Variants in CCDC178 observed in about 807,000 individuals in gnomAD.
CCDC178 encodes the protein coiled-coil domain containing 178, also known as coiled-coil domain-containing protein 178.
Under a neutral mutation model 117.4 loss-of-function variants are expected in CCDC178, and 126 were observed. The ratio of observed to expected loss-of-function variants is 1.07; its 90% confidence interval spans 0.93 to 1.24. CCDC178 has a LOEUF of 1.24. CCDC178 is among the 50% of genes most tolerant of loss of function. The probability of loss-of-function intolerance (pLI) is 0.00; values close to 1 mark genes in which losing one functional copy is unlikely to be tolerated. For missense variants in CCDC178, 1,030 were observed against 986.9 expected (o/e 1.04, Z -0.59); for synonymous variants, 283 against 313.4 (o/e 0.90, Z 1.02).
At chr18:33,137,394 G>C (rs2058142173) in intron 20 of CCDC178, among the ~76,000 whole-genome samples, 1 of 152,026 alleles carries the variant, frequency 6.6e-6, no homozygotes, top group South Asian at 2.1e-4. Flanking sequence ...CCCTTAAATA[G>C]GTTAATATTA....
At chr18:33,403,489 CAA>C (rs34702028) in intron 3 of CCDC178, among the ~76,000 whole-genome samples, 5 of 115,764 alleles carry the variant, frequency 4.3e-5, no homozygotes, top group Admixed American at 1.8e-4. Flanking sequence ...GTATGACATC[CAA>C]AAAAAAAAAA....
chr18:33,422,396 C>T (rs1568216878), intron 2 of CCDC178, among the ~76,000 whole-genome samples: 1 of 152,148 alleles, frequency 6.6e-6, no homozygotes, highest in East Asian at 1.9e-4. Flanking sequence ...CATTACATTA[C>T]ACTTTTATGA....
At chr18:33,013,171 T>C (rs932725253) in intron 21 of CCDC178, among the ~76,000 whole-genome samples, 2 of 152,190 alleles carry the variant, frequency 1.3e-5, no homozygotes, top group African/African-American at 4.8e-5. Flanking sequence ...AGCTTTAGTT[T>C]CTCCTCCTTT....
chr18:33,214,585 C>A (rs1168142539), intron 19 of CCDC178, among the ~76,000 whole-genome samples: 2 of 151,898 alleles, frequency 1.3e-5, no homozygotes, highest in African/African-American at 4.8e-5. Context: ...CTTTGAGTCC[C>A]AAGCTATTCT....
chr18:33,073,244 C>T (rs1796616386), intron 21 of CCDC178, among the ~76,000 whole-genome samples: 1 of 151,664 alleles, frequency 6.6e-6, no homozygotes, highest in African/African-American at 2.4e-5. Flanking sequence ...CCCAGGTAGA[C>T]TGATAGATGG....
At chr18:32,998,951 G>T (rs974425545) in intron 21 of CCDC178, among the ~76,000 whole-genome samples, 3 of 152,008 alleles carry the variant, frequency 2.0e-5, no homozygotes, top group Admixed American at 2.0e-4. Context: ...TTGAGAAAAG[G>T]AGAGGGAAGA....
At chr18:33,144,583 C>T (rs2058247976) in intron 20 of CCDC178, among the ~76,000 whole-genome samples, 1 of 151,970 alleles carries the variant, frequency 6.6e-6, no homozygotes, top group Non-Finnish European at 1.5e-5. Flanking sequence ...AGTGACTGAC[C>T]ACACCCTAAA....
rs181507849 is a variant in CCDC178 at position 32,973,506 on chromosome 18, T to C, written c.2523+1041A>G. Among the ~76,000 whole-genome samples, 772 of 152,174 alleles carry C rather than the reference T, an allele frequency of 5.1e-3. 3 individuals carry two copies. The highest frequency in any genetic ancestry group is 0.017 in the South Asian group (81 of 4,814). On this transcript the variant is annotated intron_variant, in intron 22 of 22. Coordinates refer to ENST00000383096, the MANE Select transcript of CCDC178 (RefSeq NM_001105528.4). ...TAAGCACTGCCTTTCAAAATCTTCC[T>C]TTTTCTTCTATTATTTTAAATTTTT...
chr18:33,137,987 T>G (rs772647651), intron 20 of CCDC178, among the ~76,000 whole-genome samples: 5 of 152,242 alleles, frequency 3.3e-5, no homozygotes, highest in Non-Finnish European at 7.3e-5. Flanking sequence ...TTATTTTTTA[T>G]GCAAGTCGCT....
At chr18:33,220,831 T>C (rs1187846859) in intron 18 of CCDC178, among the ~76,000 whole-genome samples, 4 of 152,096 alleles carry the variant, frequency 2.6e-5, no homozygotes, top group Admixed American at 2.0e-4. Context: ...CTGCTCTGAA[T>C]TGAACCAGTC....
chr18:33,397,813 T>C (rs1174253712), intron 3 of CCDC178, among the ~76,000 whole-genome samples: 2 of 152,042 alleles, frequency 1.3e-5, no homozygotes, highest in Non-Finnish European at 2.9e-5. Context: ...CCTAAAAATA[T>C]ACCCTAAAGA....
intron 20 of CCDC178, among the ~76,000 whole-genome samples, chr18:33,105,912 G>A (rs1041130957): frequency 6.6e-6 from 1 of 151,570 alleles, no homozygotes; most frequent in African/African-American, 2.4e-5. Flanking sequence ...TGAAATGACT[G>A]TAGTTGATTT....
At chr18:33,070,221 C>T (rs957046661) in intron 21 of CCDC178, among the ~76,000 whole-genome samples, 5 of 152,048 alleles carry the variant, frequency 3.3e-5, no homozygotes, top group Non-Finnish European at 5.9e-5. Context: ...GGAATACCTG[C>T]ACCCGCATGT....
intron 14 of CCDC178, among the ~76,000 whole-genome samples, chr18:33,253,022 C>G (rs1029352237): frequency 8.6e-5 from 13 of 151,782 alleles, no homozygotes; most frequent in African/African-American, 3.1e-4. Flanking sequence ...TTTTTGAACC[C>G]TGCCTATCAT....
At chr18:33,011,793 A>AAAAAAAAAAAAAAAAAAAAAAG (rs2055875354) in intron 21 of CCDC178, among the ~76,000 whole-genome samples, 1 of 121,346 alleles carries the variant, frequency 8.2e-6, no homozygotes, top group African/African-American at 3.5e-5. Context: ...AAAAAAAAAA[A>AAAAAAAAAAAAAAAAAAAAAAG]AAAAAAAAAA....
intron 6 of CCDC178, among the ~76,000 whole-genome samples, chr18:33,369,225 G>A (rs954991279): frequency 6.6e-6 from 1 of 151,868 alleles, no homozygotes; most frequent in Non-Finnish European, 1.5e-5. Flanking sequence ...ATCATTTGCT[G>A]GTACTTGTTC....
intron 20 of CCDC178, among the ~76,000 whole-genome samples, chr18:33,203,631 G>A (rs1156560529): frequency 6.6e-6 from 1 of 152,102 alleles, no homozygotes; most frequent in African/African-American, 2.4e-5. Context: ...TAACCCAGTA[G>A]CCTCAGTCAA....
intron 5 of CCDC178, among the ~76,000 whole-genome samples, chr18:33,386,957 C>G (rs1472767727): frequency 6.6e-6 from 1 of 152,080 alleles, no homozygotes; most frequent in Non-Finnish European, 1.5e-5. Flanking sequence ...GATCCTTTAT[C>G]TAGAAAACCC....
intron 9 of CCDC178, among the ~76,000 whole-genome samples, chr18:33,339,997 C>T (rs1482520701): frequency 6.6e-6 from 1 of 152,060 alleles, no homozygotes; most frequent in Non-Finnish European, 1.5e-5. Flanking sequence ...AACTTGGTAA[C>T]AGGCAGAGGT....
Sources: allele counts gnomAD v4.1 joint callset (sites outside exome capture counted in the v4.1 genomes callset), GRCh38; gene constraint gnomAD v4.1.1; transcripts MANE v1.5; gene names NCBI Gene and HGNC (gene_info 2026-07-23, HGNC 2026-07-21).